SYNDIG1: variants seen among roughly 807,000 people sequenced by gnomAD.
The protein encoded by SYNDIG1 is synapse differentiation-inducing gene protein 1.
A neutral mutation model predicts 19.4 loss-of-function variants in SYNDIG1; 9 were observed. That is an observed-to-expected ratio of 0.46 (90% CI 0.28 to 0.81). The LOEUF is 0.81. Ranked by LOEUF, SYNDIG1 falls within the 30% of genes least tolerant of loss-of-function variation. The pLI, the probability that SYNDIG1 is intolerant of heterozygous loss-of-function variation, is 0.12. For missense variants in SYNDIG1, 311 were observed against 343.3 expected, an observed-to-expected ratio of 0.91 and a Z score of 0.74; for synonymous variants, 141 against 145.9, an observed-to-expected ratio of 0.97 and a Z score of 0.24.
At chr20:24,555,542 C>A (rs1050818551) in intron 2 of SYNDIG1, among the ~76,000 whole-genome samples, 4 of 152,136 alleles carry the variant, frequency 2.6e-5, no homozygotes, top group Non-Finnish European at 4.4e-5. Context: ...ATCTTTATTT[C>A]TGCCTTCATT....
chr20:24,617,313 C>T (rs2058952034), intron 3 of SYNDIG1, among the ~76,000 whole-genome samples: 1 of 152,132 alleles, frequency 6.6e-6, no homozygotes, highest in Admixed American at 6.5e-5. Context: ...CGACTCTGCC[C>T]CATCAGGACA....
intron 1 of SYNDIG1, among the ~76,000 whole-genome samples, chr20:24,518,031 CT>C (rs2056923957): frequency 6.6e-6 from 1 of 151,712 alleles, no homozygotes; most frequent in Non-Finnish European, 1.5e-5. Context: ...GGGTCTTGAT[CT>C]CTTGATCTCG....
At chr20:24,497,609 A>G (rs1271522209) in intron 1 of SYNDIG1, among the ~76,000 whole-genome samples, 2 of 152,208 alleles carry the variant, frequency 1.3e-5, no homozygotes, top group East Asian at 3.8e-4. Context: ...TGTGCACTGT[A>G]CTGCCCATGC....
chr20:24,665,495 C>A lies in SYNDIG1; in HGVS notation c.768C>A (p.Asn256Lys). The A allele has an allele frequency of 1.2e-6, 2 of 1,614,026 alleles. No individual in the cohort carries two copies. Among genetic ancestry groups the A allele is most frequent in the South Asian group, 1.1e-5 (1 of 91,062 alleles). ...TCATCGCCTACCTCTCCAAGAACAA[C>A]CACCTGTGAGCTTCCTGCGAATGGA... Reference protein sequence around the residue: ...VALIAYLSKNNHL With the variant: ...VALIAYLSKNKHL The change falls in exon 4 of 4, where the codon AAC (asparagine) becomes AAA (lysine). Residue 256 changes from asparagine to lysine, a missense_variant. Transcript: ENST00000376862.
chr20:24,604,333 A>G (rs1263865309), intron 3 of SYNDIG1, among the ~76,000 whole-genome samples: 2 of 152,184 alleles, frequency 1.3e-5, no homozygotes, highest in Non-Finnish European at 2.9e-5. Context: ...ATTCTAAGTC[A>G]CAGGATGAGA....
At chr20:24,605,752 A>C (rs1001717897) in intron 3 of SYNDIG1, among the ~76,000 whole-genome samples, 1 of 152,062 alleles carries the variant, frequency 6.6e-6, no homozygotes, top group Non-Finnish European at 1.5e-5. Context: ...TGATTTTGTG[A>C]TTATTTGTCT....
chr20:24,551,016 G>T (rs992381476), intron 2 of SYNDIG1, among the ~76,000 whole-genome samples: 2 of 152,046 alleles, frequency 1.3e-5, no homozygotes, highest in African/African-American at 4.8e-5. Context: ...AGGTAATATT[G>T]GCTGCATAGA....
At chr20:24,632,877 A>G (rs1230134034) in intron 3 of SYNDIG1, among the ~76,000 whole-genome samples, 1 of 152,106 alleles carries the variant, frequency 6.6e-6, no homozygotes, top group African/African-American at 2.4e-5. Flanking sequence ...ATTCGCGAGA[A>G]GCTGAAACAG....
chr20:24,547,427 C>T (rs112935657), intron 2 of SYNDIG1, among the ~76,000 whole-genome samples: 70 of 152,316 alleles, frequency 4.6e-4, no homozygotes, highest in South Asian at 3.7e-3. Flanking sequence ...CTCAACTATT[C>T]GGCAAGTGTT....
chr20:24,594,241 T>G (rs968352355), intron 3 of SYNDIG1, among the ~76,000 whole-genome samples: 2 of 152,236 alleles, frequency 1.3e-5, no homozygotes, highest in Non-Finnish European at 2.9e-5. Flanking sequence ...GCTTCAACTT[T>G]CTGCATATGG....
At chr20:24,497,432 C>T (rs1056865377) in intron 1 of SYNDIG1, among the ~76,000 whole-genome samples, 4 of 152,172 alleles carry the variant, frequency 2.6e-5, no homozygotes, top group Admixed American at 2.0e-4. Context: ...AACTCCTGGC[C>T]TCAAGAGATC....
chr20:24,610,965 C>A (rs1037464793), intron 3 of SYNDIG1, among the ~76,000 whole-genome samples: 4 of 152,194 alleles, frequency 2.6e-5, no homozygotes, highest in Non-Finnish European at 2.9e-5. Flanking sequence ...TTTCCTTAGT[C>A]AGAGGGGCAT....
chr20:24,639,785 T>C (rs1450063622), intron 3 of SYNDIG1, among the ~76,000 whole-genome samples: 1 of 152,230 alleles, frequency 6.6e-6, no homozygotes, highest in Non-Finnish European at 1.5e-5. Flanking sequence ...ATTCTCTATA[T>C]AGGTAAGATT....
At chr20:24,528,727 A>G (rs2146602889) in intron 1 of SYNDIG1, among the ~76,000 whole-genome samples, 1 of 152,318 alleles carries the variant, frequency 6.6e-6, no homozygotes, top group East Asian at 1.9e-4. Flanking sequence ...TATTAATTGC[A>G]AAGGAATATA....
intron 3 of SYNDIG1, among the ~76,000 whole-genome samples, chr20:24,586,544 G>C (rs759549361): frequency 1.3e-5 from 2 of 152,210 alleles, no homozygotes; most frequent in African/African-American, 2.4e-5. Context: ...CACATAAACT[G>C]CACCCTGATG....
At chr20:24,567,201 T>C (rs36109627) in intron 2 of SYNDIG1, among the ~76,000 whole-genome samples, 11,772 of 152,124 alleles carry the variant, frequency 0.077, 1,133 homozygotes, top group African/African-American at 0.23. Context: ...AAACAGGGAC[T>C]CTCCAGAAGC....
chr20:24,575,546 G>A (rs942458039), intron 2 of SYNDIG1, among the ~76,000 whole-genome samples: 2 of 152,134 alleles, frequency 1.3e-5, no homozygotes, highest in Non-Finnish European at 2.9e-5. Context: ...AGCCCCAAAC[G>A]CTCACAATGG....
chr20:24,534,601 G>A (rs1295853862), intron 1 of SYNDIG1, among the ~76,000 whole-genome samples: 2 of 152,328 alleles, frequency 1.3e-5, no homozygotes, highest in South Asian at 2.1e-4. Flanking sequence ...ATTGTGCCCT[G>A]TGTTTCTTCC....
chr20:24,484,916 G>A (rs2055912968), intron 1 of SYNDIG1, among the ~76,000 whole-genome samples: 1 of 152,152 alleles, frequency 6.6e-6, no homozygotes, highest in African/African-American at 2.4e-5. Flanking sequence ...GGGTGATGGG[G>A]GCAGATCCCC....
Sources: gnomAD v4.1 joint callset for allele counts (sites outside exome capture counted in the v4.1 genomes callset) on GRCh38, gnomAD v4.1.1 for gene constraint, MANE v1.5 for transcripts, NCBI Gene and HGNC (gene_info 2026-07-23, HGNC 2026-07-21) for gene names.